Variants in PCDHGB1 observed in about 807,000 individuals in gnomAD.
PCDHGB1 encodes protocadherin gamma subfamily B, 1, also known as protocadherin gamma-B1.
Under a neutral mutation model 56.6 loss-of-function variants are expected in PCDHGB1, and 34 were observed. That is an observed-to-expected ratio of 0.60 (90% CI 0.46 to 0.80). The LOEUF is 0.80. Among genes scored for constraint, PCDHGB1 ranks in the 30% least tolerant of loss-of-function variants. The probability of loss-of-function intolerance (pLI) is 0.00; values close to 1 mark genes in which losing one functional copy is unlikely to be tolerated. For synonymous variants in PCDHGB1, 561 were observed against 505.9 expected (o/e 1.11, Z -1.46); for missense variants, 1,278 against 1,204.6 (o/e 1.06, Z -0.90).
intron 1 of PCDHGB1, chr5:141,392,672 T>C (rs1375291090): frequency 4.5e-6 from 4 of 880,364 alleles, no homozygotes; most frequent in Non-Finnish European, 6.7e-6. Flanking sequence ...AACTAACTGC[T>C]GGACTGCAGC....
chr5:141,410,435 G>A (rs772158163), intron 1 of PCDHGB1: 1 of 1,614,054 alleles, frequency 6.2e-7, no homozygotes, highest in Non-Finnish European at 8.5e-7. Context: ...CAACTACAGT[G>A]AGGGGACTTT....
rs1413288410 is a variant in PCDHGB1 at position 141,392,726 on chromosome 5, T to C, written c.2409+40057T>C. On this transcript the variant is annotated intron_variant, in intron 1 of 3. Transcript: ENST00000523390. The stretch of plus-strand genomic sequence containing the variant: ...GGAGGCACTCCAGGTTTCCGGAGGA[T>C]TGTCATCTCCATAGCTGCGGCAAGA... 4.3e-6 allele frequency: 6 copies of C among 1,399,264 alleles called. No individual in the cohort carries two copies. The African/African-American group carries it at 8.7e-5, about 20-fold the overall frequency. 86.7% of individuals were successfully genotyped at this position (1,399,264 alleles called of 1,614,324 possible).
At chr5:141,461,963 C>T (rs1396490046) in intron 1 of PCDHGB1, among the ~76,000 whole-genome samples, 1 of 152,084 alleles carries the variant, frequency 6.6e-6, no homozygotes, top group Non-Finnish European at 1.5e-5. Flanking sequence ...AGCTGGGATT[C>T]CAGGCATATG....
At chr5:141,362,201 A>G in intron 1 of PCDHGB1, 7 of 1,613,962 alleles carry the variant, frequency 4.3e-6, no homozygotes, top group Non-Finnish European at 5.9e-6. Flanking sequence ...GCAAAACTGC[A>G]GTTTTACCTG....
chr5:141,472,853 G>A (rs1283601489), intron 1 of PCDHGB1, among the ~76,000 whole-genome samples: 1 of 151,738 alleles, frequency 6.6e-6, no homozygotes, highest in Non-Finnish European at 1.5e-5. Flanking sequence ...GGGCATGGTG[G>A]CACATGCCTG....
intron 1 of PCDHGB1, chr5:141,415,367 CT>C (rs2095859649): frequency 6.2e-7 from 1 of 1,614,118 alleles, no homozygotes; most frequent in African/African-American, 1.3e-5. Flanking sequence ...CTGCTGCAGG[CT>C]TCAGGAGGCG....
At chr5:141,495,209 C>T (rs548415564) in intron 2 of PCDHGB1, among the ~76,000 whole-genome samples, 1 of 152,342 alleles carries the variant, frequency 6.6e-6, no homozygotes, top group Admixed American at 6.5e-5. Flanking sequence ...GCCTAACCCC[C>T]TCCCCTGAGT....
rs755304704 is a variant in PCDHGB1, at chr5:141,360,490, A to G, written c.2409+7821A>G. 2.5e-6 allele frequency: 4 copies of G among 1,614,010 alleles called. No individual in the cohort carries two copies. The South Asian group carries it at 3.3e-5, about 13-fold the overall frequency. On this transcript the variant is annotated intron_variant, in intron 1 of 3. Coordinates refer to ENST00000523390, the MANE Select transcript of PCDHGB1 (RefSeq NM_018922.3). ...TGAAAATCCACTAAATATTTTCTACATAGCAGTAATTGTGCAGGATATAAA... is the reference window on the plus strand; with the variant it reads ...TGAAAATCCACTAAATATTTTCTACGTAGCAGTAATTGTGCAGGATATAAA...
At chr5:141,508,739 C>A (rs1344024245) in intron 3 of PCDHGB1, among the ~76,000 whole-genome samples, 1 of 152,156 alleles carries the variant, frequency 6.6e-6, no homozygotes, top group African/African-American at 2.4e-5. Context: ...ACACCCCCCA[C>A]CCCGCTCTTT....
chr5:141,427,817 G>A, intron 1 of PCDHGB1: 2 of 1,528,134 alleles, frequency 1.3e-6, no homozygotes, highest in Non-Finnish European at 1.8e-6. Flanking sequence ...AGAGCGGGGT[G>A]GTGGTCGCGC....
chr5:141,510,307 G>C (rs1250172295), intron 3 of PCDHGB1, among the ~76,000 whole-genome samples: 1 of 151,446 alleles, frequency 6.6e-6, no homozygotes, highest in African/African-American at 2.4e-5. Context: ...TTTTGAAATG[G>C]AGGCTTGGAA....
intron 1 of PCDHGB1, chr5:141,367,569 TAA>T (rs1765234769): frequency 6.6e-6 from 1 of 151,200 alleles, no homozygotes; most frequent in Middle Eastern, 3.4e-3. Context: ...AATAAATAAA[TAA>T]ATATCAGAAA....
chr5:141,418,102 C>T (rs760484009), intron 1 of PCDHGB1: 15 of 1,614,014 alleles, frequency 9.3e-6, no homozygotes, highest in Non-Finnish European at 1.3e-5. Context: ...ACGCGCAGAG[C>T]GGGGACTTAC....
At chr5:141,390,029 C>A in intron 1 of PCDHGB1, 1 of 1,614,086 alleles carries the variant, frequency 6.2e-7, no homozygotes, top group Non-Finnish European at 8.5e-7. Flanking sequence ...GCCTGCGACG[C>A]TCCTCCAGCC....
chr5:141,505,803 C>T (rs920849273), intron 3 of PCDHGB1, among the ~76,000 whole-genome samples: 29 of 152,116 alleles, frequency 1.9e-4, no homozygotes, highest in African/African-American at 6.5e-4. Flanking sequence ...GGACTTGGAT[C>T]GACTTGCTCA....
At chr5:141,392,577 T>C in intron 1 of PCDHGB1, 1 of 462,996 alleles carries the variant, frequency 2.2e-6, no homozygotes. Context: ...TTTAGGACTG[T>C]AAGCGCCGCT....
At chr5:141,424,956 T>A (rs1435882776) in intron 1 of PCDHGB1, among the ~76,000 whole-genome samples, 1 of 152,176 alleles carries the variant, frequency 6.6e-6, no homozygotes, top group African/African-American at 2.4e-5. Context: ...TTCTAGGTAT[T>A]TGCCCCAAAT....
Position 141,502,395 on chromosome 5 carries a change from G to A in PCDHGB1, c.2469-2998G>A, listed in dbSNP as rs115188718. The stretch of plus-strand genomic sequence containing the variant: ...GTCCAGGCCAGTTGTACTTTAAAAT[G>A]TCCCCGAACCTGGATTTGCTGGCTA... On this transcript the variant is annotated intron_variant, in intron 2 of 3. Transcript: ENST00000523390. Among the ~76,000 whole-genome samples, 610 of 151,894 alleles carry A rather than the reference G, an allele frequency of 4.0e-3. 3 individuals carry two copies. Among genetic ancestry groups the A allele is most frequent in the African/African-American group, 0.013 (553 of 41,410 alleles).
Position 141,477,203 on chromosome 5 carries a change from G to A in PCDHGB1, c.2410-17604G>A. The A allele has an allele frequency of 6.2e-7, 1 of 1,614,176 alleles. No individual in the cohort carries two copies. The highest frequency in any genetic ancestry group is 8.5e-7 in the Non-Finnish European group (1 of 1,180,050). ...CACCTCCGTGTACAGCCCAGTACCC[G>A]AGGATGCCCCTCTGGGGACTGTCAT... On this transcript the variant is annotated intron_variant, in intron 1 of 3. Coordinates refer to ENST00000523390, the MANE Select transcript of PCDHGB1 (RefSeq NM_018922.3). This position sits in a 1 kb window ranked among gnomAD's most constrained non-coding sequence, Gnocchi z 4.9.
Sources: allele counts gnomAD v4.1 joint callset (sites outside exome capture counted in the v4.1 genomes callset), GRCh38; gene constraint gnomAD v4.1.1; non-coding constraint Gnocchi (gnomAD v3.1); transcripts MANE v1.5; gene names NCBI Gene and HGNC (gene_info 2026-07-23, HGNC 2026-07-21).